RBFOX1: variants seen among roughly 807,000 people sequenced by gnomAD.
RBFOX1 encodes RNA binding protein fox-1 homolog 1.
A neutral mutation model predicts 57.7 loss-of-function variants in RBFOX1; 8 were observed. That is an observed-to-expected ratio of 0.14 (90% CI 0.08 to 0.25). The LOEUF (loss-of-function observed/expected upper bound fraction) is 0.25, where lower values mean the gene tolerates loss of function less well. Ranked by LOEUF, RBFOX1 falls within the 10% of genes least tolerant of loss-of-function variation. The probability of loss-of-function intolerance (pLI) is 1.00; values close to 1 mark genes in which losing one functional copy is unlikely to be tolerated. For synonymous variants in RBFOX1, 326 were observed against 222.4 expected (o/e 1.47, Z -4.15); for missense variants, 611 against 548.5 (o/e 1.11, Z -1.14).
intron 3 of RBFOX1, among the ~76,000 whole-genome samples, chr16:6,688,583 G>C (rs2059776215): frequency 1.3e-5 from 2 of 152,290 alleles, no homozygotes; most frequent in African/African-American, 2.4e-5. Flanking sequence ...AAGACTACCA[G>C]AGGTGAAGCC....
At chr16:5,729,461 G>A (rs1057056060) in intron 3 of RBFOX1, among the ~76,000 whole-genome samples, 1 of 144,068 alleles carries the variant, frequency 6.9e-6, no homozygotes, top group Non-Finnish European at 1.5e-5. Flanking sequence ...AGCATCTGGT[G>A]GATAGATGGC....
intron 2 of RBFOX1, among the ~76,000 whole-genome samples, chr16:5,511,989 T>A (rs958566893): frequency 1.3e-5 from 2 of 152,182 alleles, no homozygotes; most frequent in African/African-American, 4.8e-5. Flanking sequence ...TGATAAAATG[T>A]AAGGGAAGCA....
At chr16:7,367,885 TACACACACAC>T (rs34277471) in intron 4 of RBFOX1, among the ~76,000 whole-genome samples, 4 of 148,334 alleles carry the variant, frequency 2.7e-5, no homozygotes, top group East Asian at 2.0e-4. Flanking sequence ...CATGCGTGCA[TACACACACAC>T]ACACACACAC....
chr16:6,226,538 C>A (rs1199552281), intron 1 of RBFOX1, among the ~76,000 whole-genome samples: 1 of 152,032 alleles, frequency 6.6e-6, no homozygotes. Context: ...TTTCAAGGCA[C>A]AGACTTTCTG....
intron 1 of RBFOX1, among the ~76,000 whole-genome samples, chr16:6,177,000 A>G (rs1029133635): frequency 8.5e-5 from 13 of 152,204 alleles, no homozygotes; most frequent in Middle Eastern, 3.2e-3. Flanking sequence ...TAACCATTCC[A>G]AGTGGAGATA....
intron 1 of RBFOX1, among the ~76,000 whole-genome samples, chr16:6,208,535 C>A (rs1333126487): frequency 6.6e-6 from 1 of 152,156 alleles, no homozygotes; most frequent in African/African-American, 2.4e-5. Flanking sequence ...AACAGGGACT[C>A]TTACAGACAC....
At chr16:5,598,525 A>G (rs940377609) in intron 2 of RBFOX1, among the ~76,000 whole-genome samples, 17 of 152,222 alleles carry the variant, frequency 1.1e-4, no homozygotes, top group African/African-American at 2.2e-4. Flanking sequence ...AAACATAGCA[A>G]TATATTTTAT....
chr16:5,343,913 T>C (rs559836076), intron 1 of RBFOX1, among the ~76,000 whole-genome samples: 2 of 152,348 alleles, frequency 1.3e-5, no homozygotes, highest in South Asian at 4.1e-4. Flanking sequence ...ATTTCTGGTA[T>C]AAATGTGTGC....
intron 3 of RBFOX1, among the ~76,000 whole-genome samples, chr16:5,640,499 C>A (rs1051903892): frequency 6.6e-6 from 1 of 150,582 alleles, no homozygotes; most frequent in Admixed American, 6.6e-5. Flanking sequence ...ATATGCACAC[C>A]ATGCATATAC....
intron 4 of RBFOX1, among the ~76,000 whole-genome samples, chr16:7,138,816 A>G (rs934884684): frequency 3.3e-5 from 5 of 152,014 alleles, no homozygotes; most frequent in Non-Finnish European, 5.9e-5. Context: ...ATAAACTCAG[A>G]CTTTTTTTAT....
intron 2 of RBFOX1, among the ~76,000 whole-genome samples, chr16:6,440,378 A>G (rs1164031097): frequency 6.6e-6 from 1 of 152,194 alleles, no homozygotes; most frequent in Non-Finnish European, 1.5e-5. Flanking sequence ...TCTGCAAGGT[A>G]GCTGGGCTTA....
At chr16:5,800,929 A>C (rs778973657) in intron 3 of RBFOX1, among the ~76,000 whole-genome samples, 6 of 152,160 alleles carry the variant, frequency 3.9e-5, no homozygotes, top group Non-Finnish European at 8.8e-5. Flanking sequence ...GACAGATGGA[A>C]TCTGCCTTCT....
At position 6,811,933 on chromosome 16, in the gene RBFOX1, A is replaced by C. The variant is rs541304328; in HGVS notation, c.-16+157283A>C. On this transcript the variant is annotated intron_variant, in intron 3 of 15. Transcript: ENST00000550418. ...ATACAAAATATAAGGCACAGAAAAA[A>C]ATACTGAAATAAGTTGCAGACTGGA... 1.2e-4 allele frequency among the ~76,000 whole-genome samples: 19 copies of C among 152,256 alleles called. No homozygotes were observed. The South Asian group carries it at 3.7e-3, about 30-fold the overall frequency.
At chr16:6,671,465 A>AG (rs1485531126) in intron 3 of RBFOX1, among the ~76,000 whole-genome samples, 1 of 152,252 alleles carries the variant, frequency 6.6e-6, no homozygotes, top group East Asian at 1.9e-4. Flanking sequence ...TTTGAACATT[A>AG]GAAAGTAAGA....
At chr16:7,193,194 A>T (rs897136365) in intron 4 of RBFOX1, among the ~76,000 whole-genome samples, 8 of 152,210 alleles carry the variant, frequency 5.3e-5, no homozygotes, top group African/African-American at 1.9e-4. Context: ...ATAAGTGAAG[A>T]GGGAGGCAGA....
chr16:5,997,574 A>G (rs965070294), intron 4 of RBFOX1, among the ~76,000 whole-genome samples: 2 of 152,216 alleles, frequency 1.3e-5, no homozygotes, highest in African/African-American at 4.8e-5. Context: ...AGAATCACCA[A>G]ATCTCTAGAG....
chr16:5,667,041 G>A (rs58723867), intron 3 of RBFOX1, among the ~76,000 whole-genome samples: 9,120 of 152,232 alleles, frequency 0.06, 667 homozygotes, highest in East Asian at 0.19. Flanking sequence ...ATTTGAGGTT[G>A]ATAAGATGCC....
At chr16:5,929,982 G>A (rs537776539) in intron 4 of RBFOX1, among the ~76,000 whole-genome samples, 3 of 152,006 alleles carry the variant, frequency 2.0e-5, no homozygotes, top group African/African-American at 4.8e-5. Context: ...GGAGAAAGAC[G>A]GATGCACTAC....
At chr16:7,170,305 CTCTG>C (rs1276729295) in intron 4 of RBFOX1, among the ~76,000 whole-genome samples, 2 of 152,180 alleles carry the variant, frequency 1.3e-5, no homozygotes, top group South Asian at 2.1e-4. Context: ...TGGTGTCTTG[CTCTG>C]TCTTTCAGAC....
Sources: gnomAD v4.1 joint callset for allele counts (sites outside exome capture counted in the v4.1 genomes callset) on GRCh38, gnomAD v4.1.1 for gene constraint, MANE v1.5 for transcripts, NCBI Gene and HGNC (gene_info 2026-07-23, HGNC 2026-07-21) for gene names.